Variants in OXR1 observed in about 807,000 individuals in gnomAD.
OXR1 encodes oxidation resistance protein 1.
A neutral mutation model predicts 104.6 loss-of-function variants in OXR1; 41 were observed. That is an observed-to-expected ratio of 0.39 (90% CI 0.31 to 0.51). The LOEUF (loss-of-function observed/expected upper bound fraction) is 0.51, where lower values mean the gene tolerates loss of function less well. Among genes scored for constraint, OXR1 ranks in the 20% least tolerant of loss-of-function variants. OXR1 has a pLI of 0.77. For synonymous variants in OXR1, 348 were observed against 348.4 expected, an observed-to-expected ratio of 1.00 and a Z score of 0.01; for missense variants, 955 against 1,031.9, an observed-to-expected ratio of 0.93 and a Z score of 1.02.
At chr8:106,695,298 T>G (rs989765676) in intron 7 of OXR1, among the ~76,000 whole-genome samples, 5 of 152,070 alleles carry the variant, frequency 3.3e-5, no homozygotes, top group African/African-American at 1.2e-4. Flanking sequence ...ATATAAGGAC[T>G]TCTAAATTTC....
intron 1 of OXR1, among the ~76,000 whole-genome samples, chr8:106,281,055 C>G (rs1812259199): frequency 6.6e-6 from 1 of 152,236 alleles, no homozygotes; most frequent in Non-Finnish European, 1.5e-5. Flanking sequence ...AGATTTTTCT[C>G]TCATGTGAAA....
At chr8:106,394,067 A>G (rs897565642) in intron 2 of OXR1, among the ~76,000 whole-genome samples, 3 of 152,082 alleles carry the variant, frequency 2.0e-5, no homozygotes, top group African/African-American at 7.2e-5. Context: ...AAGGCAGACC[A>G]TAACTGTTGT....
intron 6 of OXR1, among the ~76,000 whole-genome samples, chr8:106,690,070 G>C (rs963761260): frequency 6.7e-6 from 1 of 150,312 alleles, no homozygotes; most frequent in African/African-American, 2.4e-5. Flanking sequence ...AATATTATAT[G>C]TTATATATAA....
At chr8:106,499,589 C>A (rs1811646951) in intron 2 of OXR1, among the ~76,000 whole-genome samples, 1 of 152,076 alleles carries the variant, frequency 6.6e-6, no homozygotes, top group Non-Finnish European at 1.5e-5. Context: ...ACAACAGACC[C>A]ACCACCACCT....
At chr8:106,576,988 G>C (rs1817884549) in intron 3 of OXR1, among the ~76,000 whole-genome samples, 2 of 152,062 alleles carry the variant, frequency 1.3e-5, no homozygotes, top group South Asian at 4.1e-4. Flanking sequence ...TTTTGTAGGA[G>C]TAACTTTCAA....
intron 3 of OXR1, among the ~76,000 whole-genome samples, chr8:106,652,930 A>T (rs948406053): frequency 2.0e-5 from 3 of 151,710 alleles, no homozygotes; most frequent in Admixed American, 2.0e-4. Context: ...TTAGGAGTAA[A>T]AGAGCTGATA....
chr8:106,611,183 T>C (rs1820784779), intron 3 of OXR1, among the ~76,000 whole-genome samples: 1 of 152,172 alleles, frequency 6.6e-6, no homozygotes, highest in Admixed American at 6.5e-5. Flanking sequence ...GGGACCTAAA[T>C]AGAATGGCAG....
intron 11 of OXR1, among the ~76,000 whole-genome samples, chr8:106,734,598 TTATATC>T (rs1834207544): frequency 6.6e-6 from 1 of 152,156 alleles, no homozygotes; most frequent in Non-Finnish European, 1.5e-5. Context: ...GTATTGTTCT[TTATATC>T]TAAGAGATGA....
chr8:106,721,331 C>A (rs1832805014), intron 11 of OXR1, among the ~76,000 whole-genome samples: 1 of 151,996 alleles, frequency 6.6e-6, no homozygotes. Flanking sequence ...GTATCCAGTT[C>A]TCCTAGGATG....
rs531304564 is a variant in OXR1, at chr8:106,408,109, C to T, written c.23+48473C>T. 5.3e-5 allele frequency among the ~76,000 whole-genome samples: 8 copies of T among 152,236 alleles called. No individual in the cohort carries two copies. In the East Asian group the frequency reaches 1.4e-3, roughly 26 times the overall value. On this transcript the variant is annotated intron_variant, in intron 2 of 16. Coordinates refer to ENST00000517566, the MANE Select transcript of OXR1 (RefSeq NM_001198533.2). ...AACATCCTGCAATGCACAGGACGGCCCATGCTCATCAAAGAATCATCGATC... is the reference window on the plus strand; with the variant it reads ...AACATCCTGCAATGCACAGGACGGCTCATGCTCATCAAAGAATCATCGATC...
intron 2 of OXR1, among the ~76,000 whole-genome samples, chr8:106,373,842 G>C (rs1339323595): frequency 1.3e-5 from 2 of 152,126 alleles, no homozygotes; most frequent in African/African-American, 4.8e-5. Context: ...TGCCTGTCTT[G>C]GCCTCCCAAA....
intron 3 of OXR1, among the ~76,000 whole-genome samples, chr8:106,525,485 T>C (rs987924541): frequency 6.6e-6 from 1 of 152,238 alleles, no homozygotes; most frequent in Non-Finnish European, 1.5e-5. Context: ...CTGTAGTCCA[T>C]TAGAGAAGGA....
rs1022615727 is a variant in OXR1 at position 106,613,263 on chromosome 8, T to C, written c.221-65947T>C. Among the ~76,000 whole-genome samples, 3 of 152,232 alleles carry C rather than the reference T, an allele frequency of 2.0e-5. No individual in the cohort carries two copies. The South Asian group carries it at 6.2e-4, about 32-fold the overall frequency. The stretch of plus-strand genomic sequence containing the variant: ...CCCGAGTGCTTAGCGTAGGCTGCTC[T>C]CAAACGTATAGTTGCTCATTAAACT... On this transcript the variant is annotated intron_variant, in intron 3 of 16. Coordinates refer to ENST00000517566, the MANE Select transcript of OXR1 (RefSeq NM_001198533.2).
At chr8:106,517,232 A>T (rs377526855) in intron 2 of OXR1, among the ~76,000 whole-genome samples, 1 of 152,186 alleles carries the variant, frequency 6.6e-6, no homozygotes, top group African/African-American at 2.4e-5. Flanking sequence ...CTACCATTTT[A>T]CTATCATAGA....
chr8:106,514,434 G>A (rs1284622308), intron 2 of OXR1, among the ~76,000 whole-genome samples: 1 of 152,052 alleles, frequency 6.6e-6, no homozygotes. Flanking sequence ...CTTGTCTTAT[G>A]CAAGCCAGAA....
intron 4 of OXR1, among the ~76,000 whole-genome samples, chr8:106,681,546 A>G (rs1828152203): frequency 6.6e-6 from 1 of 151,928 alleles, no homozygotes; most frequent in African/African-American, 2.4e-5. Flanking sequence ...TTTTCTGGAG[A>G]CAGGGTCTTG....
chr8:106,283,147 C>G (rs902929237), intron 1 of OXR1, among the ~76,000 whole-genome samples: 5 of 152,162 alleles, frequency 3.3e-5, no homozygotes, highest in Non-Finnish European at 7.3e-5. Context: ...ATAGGAAACA[C>G]TGGTTCTAGC....
At chr8:106,365,244 T>A (rs536689300) in intron 2 of OXR1, among the ~76,000 whole-genome samples, 1 of 152,132 alleles carries the variant, frequency 6.6e-6, no homozygotes, top group Non-Finnish European at 1.5e-5. Context: ...TGAGTATTTC[T>A]CAGTGGTAAG....
chr8:106,564,503 C>T (rs1816930675), intron 3 of OXR1, among the ~76,000 whole-genome samples: 1 of 151,848 alleles, frequency 6.6e-6, no homozygotes, highest in African/African-American at 2.4e-5. Flanking sequence ...AGCCTACCAA[C>T]CAAAAAAAAC....
Sources: gnomAD v4.1 joint callset for allele counts (sites outside exome capture counted in the v4.1 genomes callset) on GRCh38, gnomAD v4.1.1 for gene constraint, MANE v1.5 for transcripts, NCBI Gene and HGNC (gene_info 2026-07-23, HGNC 2026-07-21) for gene names.